Variants in NSMCE2 observed in about 807,000 individuals in gnomAD.
NSMCE2 encodes the protein E3 SUMO-protein ligase NSE2.
In NSMCE2, 24 loss-of-function variants were observed where a neutral mutation model predicts 23.8. The ratio of observed to expected loss-of-function variants is 1.01; its 90% confidence interval spans 0.73 to 1.42. NSMCE2 has a LOEUF of 1.42. Ranked by LOEUF, NSMCE2 falls within the 40% of genes most tolerant of loss-of-function variation. The pLI is 0.00. For missense variants in NSMCE2, 284 were observed against 296.5 expected (o/e 0.96, Z 0.31); for synonymous variants, 92 against 94.1 (o/e 0.98, Z 0.13).
chr8:125,135,640 G>T (rs1166245793), intron 3 of NSMCE2, among the ~76,000 whole-genome samples: 1 of 151,664 alleles, frequency 6.6e-6, no homozygotes, highest in Admixed American at 6.6e-5. Flanking sequence ...ATAGCCAATT[G>T]TCCTAGCACC....
At chr8:125,218,668 T>C (rs2130909918) in intron 5 of NSMCE2, among the ~76,000 whole-genome samples, 1 of 152,252 alleles carries the variant, frequency 6.6e-6, no homozygotes, top group East Asian at 1.9e-4. Flanking sequence ...CGCCTCAGCC[T>C]TCCAAAGTGC....
chr8:125,281,507 T>G (rs1784326459), intron 5 of NSMCE2, among the ~76,000 whole-genome samples: 1 of 151,960 alleles, frequency 6.6e-6, no homozygotes, highest in Admixed American at 6.5e-5. Flanking sequence ...TGGCACAATC[T>G]CGGCTCACTG....
intron 4 of NSMCE2, among the ~76,000 whole-genome samples, chr8:125,152,703 T>C (rs1343557693): frequency 6.6e-6 from 1 of 152,182 alleles, no homozygotes; most frequent in African/African-American, 2.4e-5. Flanking sequence ...AACGTTATGT[T>C]GATTTTTTTT....
intron 5 of NSMCE2, among the ~76,000 whole-genome samples, chr8:125,315,492 A>T (rs1409196758): frequency 2.0e-5 from 3 of 152,232 alleles, no homozygotes; most frequent in Non-Finnish European, 4.4e-5. Context: ...TCATTTATGA[A>T]ATGGGAATAA....
intron 5 of NSMCE2, among the ~76,000 whole-genome samples, chr8:125,256,721 C>T (rs574808685): frequency 1.8e-3 from 273 of 151,606 alleles, no homozygotes; most frequent in African/African-American, 5.6e-3. Flanking sequence ...GTCAGGAGAT[C>T]GGGACCATCC....
chr8:125,110,190 CTG>C (rs1473099811), intron 3 of NSMCE2, among the ~76,000 whole-genome samples: 1 of 152,104 alleles, frequency 6.6e-6, no homozygotes. Context: ...CAGGGCAAGT[CTG>C]TGAATGGGCT....
At chr8:125,211,418 A>G (rs1034944649) in intron 5 of NSMCE2, among the ~76,000 whole-genome samples, 3 of 152,212 alleles carry the variant, frequency 2.0e-5, no homozygotes, top group Non-Finnish European at 2.9e-5. Context: ...TGAATATTCC[A>G]TATCAGTACA....
At chr8:125,101,558 C>T (rs1050326286) in intron 1 of NSMCE2, among the ~76,000 whole-genome samples, 7 of 152,234 alleles carry the variant, frequency 4.6e-5, no homozygotes, top group African/African-American at 1.7e-4. Flanking sequence ...TGTGAATTCT[C>T]CCCACTTTTC....
chr8:125,362,412 C>T (rs774549520), intron 7 of NSMCE2, among the ~76,000 whole-genome samples: 1 of 152,198 alleles, frequency 6.6e-6, no homozygotes, highest in Admixed American at 6.5e-5. Flanking sequence ...GACAAAATGT[C>T]GTTAGCACCC....
chr8:125,273,246 A>G (rs1185136846), intron 5 of NSMCE2, among the ~76,000 whole-genome samples: 3 of 152,222 alleles, frequency 2.0e-5, no homozygotes, highest in East Asian at 3.8e-4. Flanking sequence ...TACTGATACC[A>G]TCCCTTGTTC....
At chr8:125,112,378 A>G (rs887751353) in intron 3 of NSMCE2, among the ~76,000 whole-genome samples, 39 of 152,252 alleles carry the variant, frequency 2.6e-4, no homozygotes, top group Non-Finnish European at 5.1e-4. Context: ...CATATGATCT[A>G]GCAATCCCAG....
In NSMCE2 at chr8:125,110,808, T is replaced by A. The variant is rs540919785; in HGVS notation, c.157+8321T>A. On this transcript the variant is annotated intron_variant, in intron 3 of 7. Transcript: ENST00000287437. ...TTTTGAGGATAATGTTATCTGATTT[T>A]TTTTTTTAAATACCCAAATGAGGTT... 1.8e-4 allele frequency among the ~76,000 whole-genome samples: 27 copies of A among 151,258 alleles called. No homozygotes were observed. In the East Asian group the frequency reaches 4.6e-3, roughly 26 times the overall value.
At chr8:125,295,191 T>C (rs1316046624) in intron 5 of NSMCE2, among the ~76,000 whole-genome samples, 1 of 152,158 alleles carries the variant, frequency 6.6e-6, no homozygotes, top group Non-Finnish European at 1.5e-5. Flanking sequence ...CTTGCTTATA[T>C]ATGTAGACTA....
intron 5 of NSMCE2, among the ~76,000 whole-genome samples, chr8:125,253,380 T>C (rs1826273794): frequency 6.6e-6 from 1 of 152,240 alleles, no homozygotes; most frequent in African/African-American, 2.4e-5. Context: ...GGGCAGGCTT[T>C]CTTTTCGCCC....
At chr8:125,101,182 A>G (rs1355278231) in intron 1 of NSMCE2, among the ~76,000 whole-genome samples, 3 of 152,160 alleles carry the variant, frequency 2.0e-5, no homozygotes, top group Admixed American at 6.5e-5. Context: ...CATGATTGAC[A>G]TGGTAGGTAC....
chr8:125,312,185 T>C (rs1828999396), intron 5 of NSMCE2, among the ~76,000 whole-genome samples: 1 of 152,150 alleles, frequency 6.6e-6, no homozygotes, highest in African/African-American at 2.4e-5. Flanking sequence ...TAATAAACTT[T>C]GATGTCTCTG....
intron 5 of NSMCE2, among the ~76,000 whole-genome samples, chr8:125,229,029 G>A (rs1163969618): frequency 6.6e-6 from 1 of 152,154 alleles, no homozygotes; most frequent in Admixed American, 6.5e-5. Flanking sequence ...TATTTTGTAT[G>A]TGTTGCTGTT....
chr8:125,102,242 C>A, intron 2 of NSMCE2, 75 bp from the exon 3 acceptor site: 1 of 929,922 alleles, frequency 1.1e-6, no homozygotes, highest in Non-Finnish European at 1.7e-6. Flanking sequence ...ATGTTTACAG[C>A]AGTTTTATTA....
chr8:125,225,176 A>G (rs952915561), intron 5 of NSMCE2, among the ~76,000 whole-genome samples: 9 of 152,238 alleles, frequency 5.9e-5, no homozygotes, highest in African/African-American at 1.4e-4. Flanking sequence ...GTTTTTACAT[A>G]TTACCTCAGA....
Sources: gnomAD v4.1 joint callset for allele counts (sites outside exome capture counted in the v4.1 genomes callset) on GRCh38, gnomAD v4.1.1 for gene constraint, MANE v1.5 for transcripts, NCBI Gene and HGNC (gene_info 2026-07-23, HGNC 2026-07-21) for gene names.